SOX5: variants seen among roughly 807,000 people sequenced by gnomAD.
SOX5 encodes the protein SRY-box transcription factor 5.
In SOX5, 9 loss-of-function variants were observed where a neutral mutation model predicts 92.0. That is an observed-to-expected ratio of 0.10 (90% CI 0.06 to 0.17). The LOEUF (loss-of-function observed/expected upper bound fraction) is 0.17. SOX5 is among the 10% of genes least tolerant of loss of function. The pLI is 1.00. For synonymous variants in SOX5, 344 were observed against 336.3 expected (o/e 1.02, Z -0.25); for missense variants, 642 against 944.5 (o/e 0.68, Z 4.20).
chr12:23,946,655 G>T (rs1047679662), intron 1 of SOX5, among the ~76,000 whole-genome samples: 2 of 151,800 alleles, frequency 1.3e-5, no homozygotes, highest in Non-Finnish European at 2.9e-5. Context: ...GAGACTTCGG[G>T]CGTTCATTCT....
chr12:23,758,005 C>T (rs1446586453), intron 3 of SOX5, among the ~76,000 whole-genome samples: 1 of 26,838 alleles, frequency 3.7e-5, no homozygotes, highest in African/African-American at 1.6e-4. Flanking sequence ...TAAGCACACA[C>T]TACAAAAAAA....
At chr12:24,008,637 T>C (rs972256387) in intron 4 of SOX5, among the ~76,000 whole-genome samples, 1 of 152,210 alleles carries the variant, frequency 6.6e-6, no homozygotes, top group Non-Finnish European at 1.5e-5. Context: ...ATGGACTCTT[T>C]TGGAAAATAT....
intron 1 of SOX5, among the ~76,000 whole-genome samples, chr12:24,484,694 C>G (rs1412327655): frequency 6.6e-6 from 1 of 152,168 alleles, no homozygotes; most frequent in Non-Finnish European, 1.5e-5. Context: ...AACAAAACAG[C>G]CCTTGTTTTC....
intron 4 of SOX5, among the ~76,000 whole-genome samples, chr12:23,997,684 C>T (rs193056927): frequency 1.3e-4 from 20 of 152,218 alleles, no homozygotes; most frequent in African/African-American, 4.6e-4. Flanking sequence ...CTCAATGAAA[C>T]GCTGATCCAT....
At chr12:24,238,455 G>A (rs757866739) in intron 3 of SOX5, among the ~76,000 whole-genome samples, 7 of 152,198 alleles carry the variant, frequency 4.6e-5, no homozygotes, top group Admixed American at 2.0e-4. Context: ...AGGCTCAGGT[G>A]ATCCTCCCAC....
intron 1 of SOX5, among the ~76,000 whole-genome samples, chr12:24,408,447 C>T (rs1369501963): frequency 2.6e-5 from 4 of 152,176 alleles, no homozygotes; most frequent in Admixed American, 2.0e-4. Context: ...TTGTCACAAC[C>T]ACGATACTGA....
At chr12:23,835,439 T>C (rs2096398271) in intron 3 of SOX5, among the ~76,000 whole-genome samples, 1 of 151,790 alleles carries the variant, frequency 6.6e-6, no homozygotes, top group African/African-American at 2.4e-5. Context: ...TCCTAAAATG[T>C]ATCTATGTTT....
rs181426401 is a variant in SOX5, at chr12:24,262,193, G to T, written c.-77+15023C>A. ...CTGTAGGTTGCAATGAAACAATTCTGCAACGAACGAAATTCTCGATGGGCA... is the reference window on the plus strand; with the variant it reads ...CTGTAGGTTGCAATGAAACAATTCTTCAACGAACGAAATTCTCGATGGGCA... On this transcript the variant is annotated intron_variant, in intron 3 of 4. Coordinates refer to the SOX5 transcript ENST00000446891. Among the ~76,000 whole-genome samples the T allele has an allele frequency of 3.0e-3, 452 of 152,228 alleles. 2 individuals are homozygous for T. The highest frequency in any genetic ancestry group is 5.0e-3 in the Non-Finnish European group (340 of 68,010).
intron 4 of SOX5, among the ~76,000 whole-genome samples, chr12:24,099,196 A>T (rs948927969): frequency 6.6e-6 from 1 of 152,122 alleles, no homozygotes; most frequent in Non-Finnish European, 1.5e-5. Context: ...GACATTTAAA[A>T]ATATTCAGGC....
chr12:23,906,221 A>G (rs560222846), intron 1 of SOX5, among the ~76,000 whole-genome samples: 1 of 152,376 alleles, frequency 6.6e-6, no homozygotes, highest in East Asian at 1.9e-4. Context: ...ACAGGTTAAA[A>G]ATGTCAAAGT....
intron 3 of SOX5, among the ~76,000 whole-genome samples, chr12:24,252,849 C>T (rs141788386): frequency 6.6e-6 from 1 of 152,288 alleles, no homozygotes; most frequent in African/African-American, 2.4e-5. Context: ...CATGGAAACA[C>T]GCTGGAGAGC....
intron 4 of SOX5, among the ~76,000 whole-genome samples, chr12:24,184,381 C>T: frequency 6.6e-6 from 1 of 152,088 alleles, no homozygotes; most frequent in East Asian, 1.9e-4. Context: ...AAAATGATTA[C>T]ATTTAAATCA....
At chr12:23,929,980 A>G (rs1258136469) in intron 1 of SOX5, among the ~76,000 whole-genome samples, 1 of 151,892 alleles carries the variant, frequency 6.6e-6, no homozygotes, top group Non-Finnish European at 1.5e-5. Context: ...AAGCTTCCCT[A>G]CAATTTCTCT....
At chr12:23,924,068 G>T (rs1237334871) in intron 1 of SOX5, among the ~76,000 whole-genome samples, 1 of 152,040 alleles carries the variant, frequency 6.6e-6, no homozygotes, top group African/African-American at 2.4e-5. Context: ...TTCCACAAAT[G>T]TTGCCTAAAA....
At chr12:23,623,303 T>C (rs949898076) in intron 8 of SOX5, among the ~76,000 whole-genome samples, 5 of 152,200 alleles carry the variant, frequency 3.3e-5, no homozygotes, top group Non-Finnish European at 7.4e-5. Context: ...TAGATAATTA[T>C]AAACACTGAT....
At chr12:24,268,252 A>T (rs1468495467) in intron 3 of SOX5, among the ~76,000 whole-genome samples, 1 of 152,230 alleles carries the variant, frequency 6.6e-6, no homozygotes, top group African/African-American at 2.4e-5. Context: ...ATTTGTATGT[A>T]GAGCACGAAG....
intron 1 of SOX5, among the ~76,000 whole-genome samples, chr12:24,450,822 T>C (rs1596799294): frequency 6.6e-6 from 1 of 152,166 alleles, no homozygotes. Context: ...ACAATCCAAT[T>C]ATACTCTTTT....
chr12:24,276,561 C>T (rs1944454189), intron 3 of SOX5, among the ~76,000 whole-genome samples: 1 of 152,124 alleles, frequency 6.6e-6, no homozygotes, highest in African/African-American at 2.4e-5. Context: ...CTGCAGTTAC[C>T]TGCATGATGA....
chr12:23,887,895 T>C (rs2097086433), intron 2 of SOX5, among the ~76,000 whole-genome samples: 1 of 148,246 alleles, frequency 6.7e-6, no homozygotes, highest in South Asian at 2.2e-4. Flanking sequence ...CTTGAATTGA[T>C]GGTAATTGGT....
Sources: allele counts gnomAD v4.1 joint callset (sites outside exome capture counted in the v4.1 genomes callset), GRCh38; gene constraint gnomAD v4.1.1; transcripts MANE v1.5; gene names NCBI Gene and HGNC (gene_info 2026-07-23, HGNC 2026-07-21).